Variants in MYO16 observed in about 807,000 individuals in gnomAD.
MYO16 encodes myosin XVI, also known as unconventional myosin-XVI.
A neutral mutation model predicts 205.3 loss-of-function variants in MYO16; 94 were observed. That is an observed-to-expected ratio of 0.46 (90% CI 0.39 to 0.54). The LOEUF (loss-of-function observed/expected upper bound fraction) is 0.54, where lower values mean the gene tolerates loss of function less well. Among genes scored for constraint, MYO16 ranks in the 20% least tolerant of loss-of-function variants. The pLI, the probability that MYO16 is intolerant of heterozygous loss-of-function variation, is 0.00. For missense variants in MYO16, 2,315 were observed against 2,387.5 expected (o/e 0.97, Z 0.63); for synonymous variants, 988 against 954.0 (o/e 1.04, Z -0.66).
chr13:108,836,575 T>C (rs146972621), intron 9 of MYO16, among the ~76,000 whole-genome samples: 2,972 of 152,252 alleles, frequency 0.02, 91 homozygotes, highest in African/African-American at 0.068. Context: ...AGACCCTCAA[T>C]GCCAGCCCAT....
intron 2 of MYO16, among the ~76,000 whole-genome samples, chr13:108,687,982 T>A (rs552054294): frequency 6.6e-6 from 1 of 152,184 alleles, no homozygotes; most frequent in Non-Finnish European, 1.5e-5. Context: ...TGACTATAGG[T>A]TTTTCACTCA....
At position 108,848,871 on chromosome 13, in the gene MYO16, T is replaced by A. The variant is rs115033503; in HGVS notation, c.1248+4378T>A. ...TCACAAATGTTTCTTTTATTTTGTA[T>A]CCAGTGCTCTTTTGGGGGCACCACA... On this transcript the variant is annotated intron_variant, in intron 10 of 34. Coordinates refer to ENST00000457511, the MANE Select transcript of MYO16 (RefSeq NM_001198950.3). 2.1e-3 allele frequency among the ~76,000 whole-genome samples: 324 copies of A among 152,296 alleles called. 2 individuals are homozygous for A. Among genetic ancestry groups the A allele is most frequent in the African/African-American group, 7.3e-3 (305 of 41,564 alleles).
chr13:108,680,696 A>G (rs932749592), intron 2 of MYO16, among the ~76,000 whole-genome samples: 11 of 152,206 alleles, frequency 7.2e-5, no homozygotes, highest in Non-Finnish European at 5.9e-5. Context: ...ACAAGGAGGC[A>G]TAAGGTTGGT....
At chr13:108,500,074 C>T in the MYO16 span, among the ~76,000 whole-genome samples, 1 of 151,930 alleles carries the variant, frequency 6.6e-6, no homozygotes, top group Admixed American at 6.6e-5. Context: ...GGTGCATGTG[C>T]CTGGCCTCCA....
intron 23 of MYO16, among the ~76,000 whole-genome samples, chr13:109,027,907 A>G (rs1455497825): frequency 6.6e-6 from 1 of 152,162 alleles, no homozygotes; most frequent in Non-Finnish European, 1.5e-5. Flanking sequence ...CTTTTGCCAT[A>G]TATTCAGAGG....
intron 2 of MYO16, among the ~76,000 whole-genome samples, chr13:108,686,175 C>T (rs756311944): frequency 3.9e-5 from 6 of 152,160 alleles, no homozygotes; most frequent in Non-Finnish European, 8.8e-5. Context: ...CCACACCTGG[C>T]AGGAGTGGAG....
intron 1 of MYO16, among the ~76,000 whole-genome samples, chr13:108,639,528 C>A (rs968320409): frequency 6.6e-6 from 1 of 152,176 alleles, no homozygotes; most frequent in African/African-American, 2.4e-5. Flanking sequence ...TGAATCTATG[C>A]TCTTCCTTCC....
At chr13:108,785,504 C>G in intron 4 of MYO16, 131 bp from the exon 5 acceptor site, 2 of 482,492 alleles carry the variant, frequency 4.1e-6, no homozygotes, top group South Asian at 4.8e-5. Context: ...GCTTCCTACC[C>G]GATTCTTCAG....
At chr13:108,787,924 T>G (rs1886506781) in intron 5 of MYO16, among the ~76,000 whole-genome samples, 1 of 152,194 alleles carries the variant, frequency 6.6e-6, no homozygotes, top group African/African-American at 2.4e-5. Flanking sequence ...CTGCCGCCAT[T>G]CCCAGTAAAT....
chr13:108,921,328 G>C (rs1324648814), intron 16 of MYO16, among the ~76,000 whole-genome samples: 24 of 152,146 alleles, frequency 1.6e-4, no homozygotes, highest in Non-Finnish European at 1.2e-4. Flanking sequence ...GGTGGATCAT[G>C]GTCCATGTCC....
intron 2 of MYO16, among the ~76,000 whole-genome samples, chr13:108,688,262 C>A (rs1267058145): frequency 6.6e-6 from 1 of 152,000 alleles, no homozygotes; most frequent in Admixed American, 6.6e-5. Flanking sequence ...TGCAAGGAAA[C>A]AGATTTACAC....
intron 27 of MYO16, among the ~76,000 whole-genome samples, chr13:109,079,500 G>A (rs987773005): frequency 5.9e-5 from 9 of 151,972 alleles, no homozygotes; most frequent in Non-Finnish European, 7.4e-5. Flanking sequence ...TATCCTAAGC[G>A]AATTCATGCA....
intron 13 of MYO16, chr13:108,886,399 A>G (rs1350373477): frequency 6.6e-6 from 3 of 455,918 alleles, no homozygotes; most frequent in South Asian, 3.1e-5. Context: ...TTTGCTCCTT[A>G]GCTCGGCTAC....
At chr13:108,732,541 G>C (rs1011315311) in intron 4 of MYO16, among the ~76,000 whole-genome samples, 8 of 152,176 alleles carry the variant, frequency 5.3e-5, no homozygotes, top group African/African-American at 1.9e-4. Context: ...GTATTGGAGG[G>C]ACAGCAAGGA....
At chr13:108,796,988 G>GTA (rs1886815330) in intron 6 of MYO16, among the ~76,000 whole-genome samples, 1 of 152,070 alleles carries the variant, frequency 6.6e-6, no homozygotes, top group Non-Finnish European at 1.5e-5. Context: ...GGGTAAACCG[G>GTA]AGAGTTTGTT....
intron 4 of MYO16, among the ~76,000 whole-genome samples, chr13:108,743,829 T>C (rs1566582542): frequency 6.6e-6 from 1 of 152,200 alleles, no homozygotes; most frequent in African/African-American, 2.4e-5. Flanking sequence ...CGGCTTACAT[T>C]GATAGATCAA....
In MYO16 at chr13:109,055,244, C is replaced by CTT; in HGVS notation, c.3129+118_3129+119insTT. On this transcript the variant is annotated intron_variant, in intron 26 of 34. Transcript: ENST00000457511. The surrounding 1 kb of genome is among the most constrained non-coding windows in gnomAD (Gnocchi z 5.0). ...TAAATATCTTCACAAAAAAAGTAAA[C>CTT]ATACACACACACACACACACACACA... 1 of 813,520 alleles carries CTT rather than the reference C, an allele frequency of 1.2e-6. No homozygotes were observed. The highest frequency in any genetic ancestry group is 1.8e-6 in the Non-Finnish European group (1 of 559,130). 50.4% of individuals were successfully genotyped at this position (813,520 alleles called of 1,614,324 possible).
At chr13:108,626,421 C>T (rs968382226), upstream of MYO16, among the ~76,000 whole-genome samples, 19 of 152,082 alleles carry the variant, frequency 1.2e-4, no homozygotes, top group African/African-American at 4.3e-4. Flanking sequence ...ACTTAATGAC[C>T]ATATTCTGCA....
chr13:108,653,686 TTAAAATATATTCTTCCC>T (rs1881112690), intron 1 of MYO16, among the ~76,000 whole-genome samples: 2 of 151,950 alleles, frequency 1.3e-5, no homozygotes, highest in African/African-American at 4.8e-5. Context: ...TTTGTTTGTA[TTAAAATATATTCTTCCC>T]CCGGTGTAAA....
Sources: allele counts gnomAD v4.1 joint callset (sites outside exome capture counted in the v4.1 genomes callset), GRCh38; gene constraint gnomAD v4.1.1; non-coding constraint Gnocchi (gnomAD v3.1); transcripts MANE v1.5; gene names NCBI Gene and HGNC (gene_info 2026-07-23, HGNC 2026-07-21).